IKBKB-DT: variants seen among roughly 807,000 people sequenced by gnomAD.
The protein encoded by IKBKB-DT is IKBKB divergent transcript.
intron 2 of IKBKB-DT, among the ~76,000 whole-genome samples, chr8:42,263,715 T>C (rs1466449934): frequency 6.6e-6 from 1 of 152,230 alleles, no homozygotes; most frequent in Non-Finnish European, 1.5e-5. Flanking sequence ...CAGATTTATG[T>C]TGGTGTCTTC....
intron 3 of IKBKB-DT, among the ~76,000 whole-genome samples, chr8:42,258,533 A>G (rs1193817197): frequency 6.7e-6 from 1 of 149,444 alleles, no homozygotes; most frequent in Non-Finnish European, 1.5e-5. Context: ...CAGTGGCGCG[A>G]TCTCTGCTCA....
intron 3 of IKBKB-DT, among the ~76,000 whole-genome samples, chr8:42,252,800 G>A (rs1478639295): frequency 2.0e-5 from 3 of 152,170 alleles, no homozygotes; most frequent in Non-Finnish European, 2.9e-5. Flanking sequence ...AAAGTACAAA[G>A]GGGTCATTCC....
intron 3 of IKBKB-DT, among the ~76,000 whole-genome samples, chr8:42,237,894 G>T (rs1443453139): frequency 1.3e-5 from 2 of 151,690 alleles, no homozygotes; most frequent in African/African-American, 2.4e-5. Flanking sequence ...GTGTGGTAGT[G>T]CATGCCTATA....
intron 3 of IKBKB-DT, chr8:42,255,207 C>T (rs994445008): frequency 2.0e-5 from 3 of 152,272 alleles, no homozygotes; most frequent in African/African-American, 7.2e-5. Flanking sequence ...GGCCACTGTA[C>T]AACCTTCCAA....
At chr8:42,253,866 T>C (rs1807160610) in intron 3 of IKBKB-DT, among the ~76,000 whole-genome samples, 1 of 152,190 alleles carries the variant, frequency 6.6e-6, no homozygotes, top group Non-Finnish European at 1.5e-5. Flanking sequence ...ACATTCTGTA[T>C]TCTAGCAACT....
intron 3 of IKBKB-DT, among the ~76,000 whole-genome samples, chr8:42,236,672 G>T (rs1408170191): frequency 6.6e-6 from 1 of 152,158 alleles, no homozygotes; most frequent in Non-Finnish European, 1.5e-5. Context: ...CAGGAGAATT[G>T]CTTGCACCCA....
At position 42,248,096 on chromosome 8, in the gene IKBKB-DT, A is replaced by G. The variant is rs865895687; in HGVS notation, n.1530-14237T>C. Among the ~76,000 whole-genome samples the G allele has an allele frequency of 8.1e-3, 1,193 of 147,304 alleles. 19 individuals are homozygous for G. The highest frequency in any genetic ancestry group is 0.028 in the African/African-American group (1,129 of 40,608). ...CGACAGAGCAAGACTCCGTCTCGGA[A>G]AAAAAAAAAAAAAGAAAGTGTCTTC... On this transcript the variant is annotated intron_variant and non_coding_transcript_variant, in intron 3 of 3. Coordinates refer to ENST00000518213, the Ensembl canonical transcript of IKBKB-DT.
intron 3 of IKBKB-DT, among the ~76,000 whole-genome samples, chr8:42,263,174 G>C (rs1020537127): frequency 1.3e-5 from 2 of 151,608 alleles, no homozygotes; most frequent in Non-Finnish European, 2.9e-5. Context: ...ACTATGCCTG[G>C]CTAATTTTTT....
In IKBKB-DT at chr8:42,239,441, G is replaced by A. The variant is rs192306105; in HGVS notation, n.1530-5582C>T. Among the ~76,000 whole-genome samples the A allele has an allele frequency of 8.6e-5, 13 of 151,368 alleles. No individual in the cohort carries two copies. In the East Asian group the frequency reaches 2.5e-3, roughly 30 times the overall value. On this transcript the variant is annotated intron_variant and non_coding_transcript_variant, in intron 3 of 3. Coordinates refer to ENST00000518213, the Ensembl canonical transcript of IKBKB-DT. ...GTGGGTATCTCTCCCCACCAGCTCAGCCTAATTTAAAGTGTTTTTAAATTG... is the reference window on the plus strand; with the variant it reads ...GTGGGTATCTCTCCCCACCAGCTCAACCTAATTTAAAGTGTTTTTAAATTG...
At chr8:42,268,487 T>A (rs1212925964) in intron 1 of IKBKB-DT, among the ~76,000 whole-genome samples, 1 of 152,056 alleles carries the variant, frequency 6.6e-6, no homozygotes, top group Non-Finnish European at 1.5e-5. Flanking sequence ...GCCAGGCTAG[T>A]CTTGAACTCC....
At chr8:42,268,668 G>A (rs1807410824) in intron 1 of IKBKB-DT, among the ~76,000 whole-genome samples, 1 of 151,368 alleles carries the variant, frequency 6.6e-6, no homozygotes, top group South Asian at 2.1e-4. Flanking sequence ...CTGGGTTCAA[G>A]TGATTCTCCT....
chr8:42,236,647 C>T (rs1370481492), intron 3 of IKBKB-DT, among the ~76,000 whole-genome samples: 1 of 152,130 alleles, frequency 6.6e-6, no homozygotes, highest in Non-Finnish European at 1.5e-5. Context: ...ATCCCAGCTA[C>T]TTGGGAGGCT....
At chr8:42,256,093 A>G (rs1002864889) in intron 3 of IKBKB-DT, among the ~76,000 whole-genome samples, 10 of 152,178 alleles carry the variant, frequency 6.6e-5, no homozygotes, top group African/African-American at 2.2e-4. Flanking sequence ...AAATAAGAAT[A>G]GCCAGTAAGA....
chr8:42,259,668 G>A (rs1034042686), intron 3 of IKBKB-DT, among the ~76,000 whole-genome samples: 1 of 152,078 alleles, frequency 6.6e-6, no homozygotes, highest in African/African-American at 2.4e-5. Flanking sequence ...CAAATGAAGA[G>A]CATGGCATTG....
intron 3 of IKBKB-DT, among the ~76,000 whole-genome samples, chr8:42,235,691 C>T (rs904632755): frequency 2.0e-5 from 3 of 152,212 alleles, no homozygotes; most frequent in African/African-American, 7.2e-5. Flanking sequence ...ACCTCCTAAC[C>T]TCCAAGCCTC....
intron 1 of IKBKB-DT, among the ~76,000 whole-genome samples, chr8:42,268,152 T>TA (rs1305081737): frequency 6.8e-6 from 1 of 147,894 alleles, no homozygotes; most frequent in African/African-American, 2.6e-5. Flanking sequence ...TTTTTTTTTT[T>TA]AGATGGAGTT....
At chr8:42,249,528 A>G (rs1807105098) in intron 3 of IKBKB-DT, among the ~76,000 whole-genome samples, 2 of 151,922 alleles carry the variant, frequency 1.3e-5, no homozygotes, top group Non-Finnish European at 2.9e-5. Flanking sequence ...CTACCAGGGG[A>G]AACCTGATGG....
intron 3 of IKBKB-DT, among the ~76,000 whole-genome samples, chr8:42,259,981 C>CAAAAAA (rs111459897): frequency 1.6e-5 from 1 of 63,632 alleles, no homozygotes; most frequent in African/African-American, 4.9e-5. Context: ...GACTCCGTCT[C>CAAAAAA]AAAAAAAAAA....
intron 3 of IKBKB-DT, among the ~76,000 whole-genome samples, chr8:42,247,392 C>T (rs1190682912): frequency 6.6e-6 from 1 of 152,142 alleles, no homozygotes; most frequent in Non-Finnish European, 1.5e-5. Flanking sequence ...AATGCCTGTA[C>T]CTCATTGTAT....
Sources: allele counts gnomAD v4.1 joint callset (sites outside exome capture counted in the v4.1 genomes callset), GRCh38; gene constraint gnomAD v4.1.1; transcripts MANE v1.5; gene names NCBI Gene and HGNC (gene_info 2026-07-23, HGNC 2026-07-21).